The following PCYOX1L variants were observed in gnomAD, a reference collection of about 807,000 sequenced individuals.
The protein encoded by PCYOX1L is prenylcysteine oxidase 1-like.
In PCYOX1L, 40 loss-of-function variants were observed where a neutral mutation model predicts 44.1. The observed-to-expected ratio is 0.91, with a 90% CI of 0.70 to 1.18. The LOEUF (loss-of-function observed/expected upper bound fraction) is 1.18. PCYOX1L is among the 50% of genes most tolerant of loss of function. The pLI is 0.00. For missense variants in PCYOX1L, 605 were observed against 653.3 expected, an observed-to-expected ratio of 0.93 and a Z score of 0.81; for synonymous variants, 266 against 282.8, an observed-to-expected ratio of 0.94 and a Z score of 0.60.
intron 2 of PCYOX1L, 193 bp downstream of exon 2, chr5:149,363,036 G>T (rs1271490407): frequency 1.4e-6 from 1 of 733,220 alleles, no homozygotes; most frequent in Admixed American, 2.0e-5. Flanking sequence ...TTGCAGAGCC[G>T]GGATTAGAAC....
chr5:149,363,211 C>T lies in PCYOX1L; in HGVS notation c.295+368C>T, dbSNP rs114545148. The T allele has an allele frequency of 5.3e-3, 2,043 of 385,974 alleles. 33 individuals carry two copies. Among genetic ancestry groups the T allele is most frequent in the African/African-American group, 0.04 (1,902 of 47,904 alleles). The allele number at this position is 385,974 out of a possible 1,614,324, so 23.9% of individuals were successfully genotyped here. A position where few individuals can be genotyped will look rare whatever the true frequency, so the allele number is the denominator to read the frequency against. On this transcript the variant is annotated intron_variant, in intron 2 of 5. Transcript: ENST00000274569. ...CCAACCTGCAAGATGAGTGTTATAT[C>T]TCCTCTTAAGGCAACTGAGGCTCAG...
intron 2 of PCYOX1L, 30 bp from the exon 3 acceptor site, chr5:149,364,006 G>A (rs1240477690): frequency 1.2e-6 from 2 of 1,611,166 alleles, no homozygotes; most frequent in Non-Finnish European, 8.5e-7. Flanking sequence ...TCTTGGAGGG[G>A]ACCTGAGGGG....
intron 4 of PCYOX1L, 85 bp downstream of exon 4, chr5:149,366,238 C>T (rs567198995): frequency 7.3e-7 from 1 of 1,370,750 alleles, no homozygotes; most frequent in Admixed American, 1.9e-5. Context: ...ATAATAACCT[C>T]ACTTTTATCC....
intron 1 of PCYOX1L, 28 bp from the exon 2 acceptor site, chr5:149,362,609 C>G (rs1370685771): frequency 6.2e-7 from 1 of 1,612,456 alleles, no homozygotes; most frequent in Non-Finnish European, 8.5e-7. Context: ...TGTCTCTCTT[C>G]TTCCCTACCT....
chr5:149,361,565 A>T (rs1758010055), intron 1 of PCYOX1L, among the ~76,000 whole-genome samples: 2 of 152,248 alleles, frequency 1.3e-5, no homozygotes, highest in African/African-American at 4.8e-5. Flanking sequence ...GAAACTTTGT[A>T]ACAAGATTTC....
At chr5:149,365,192 G>A (rs1482832674) in intron 3 of PCYOX1L, 1 of 152,166 alleles carries the variant, frequency 6.6e-6, no homozygotes, top group Non-Finnish European at 1.5e-5. Flanking sequence ...ATTATATCCA[G>A]ACCAATAATG....
At chr5:149,367,557 C>CT (rs1281986825) in intron 5 of PCYOX1L, 57 bp downstream of exon 5, 1 of 1,595,000 alleles carries the variant, frequency 6.3e-7, no homozygotes, top group African/African-American at 1.3e-5. Context: ...TGGACAGACA[C>CT]TTCTGCCTCC....
At position 149,367,383 on chromosome 5, in the gene PCYOX1L, CA is replaced by C. The variant is rs1758248483; in HGVS notation, c.708del (p.Gly237AlafsTer18). The C allele has an allele frequency of 6.2e-7, 1 of 1,611,784 alleles. No homozygotes were observed. The highest frequency in any genetic ancestry group is 1.7e-5 in the Admixed American group (1 of 59,200). On this transcript the variant is annotated frameshift_variant, in exon 5 of 6. Coordinates refer to ENST00000274569, the MANE Select transcript of PCYOX1L (RefSeq NM_024028.4). LOFTEE classifies it high-confidence loss of function. ...FAGAMSLAGA[Q>X]GSLWSVEGGN... ...AGGAGCCATGTCACTAGCCGGGGCC[CA>C]AGGCAGCCTGTGGTCTGTGGAAGGA...
intron 1 of PCYOX1L, among the ~76,000 whole-genome samples, chr5:149,358,812 T>A (rs1380758630): frequency 6.6e-6 from 1 of 152,234 alleles, no homozygotes; most frequent in East Asian, 1.9e-4. Context: ...TCCCCAATAC[T>A]TTATTTTGAA....
In PCYOX1L at chr5:149,368,769, G is replaced by A. The variant is rs945900633; in HGVS notation, c.*115G>A. On this transcript the variant is annotated 3_prime_UTR_variant, in exon 6 of 6. Transcript: ENST00000274569. ...ACCAGGCTTCTTTCTGACCCCTCATGTATCAAGCATCTCCAGGTGACCTAC... is the reference window on the plus strand; with the variant it reads ...ACCAGGCTTCTTTCTGACCCCTCATATATCAAGCATCTCCAGGTGACCTAC... The A allele has an allele frequency of 3.7e-6, 4 of 1,084,680 alleles. No homozygotes were observed. The highest frequency in any genetic ancestry group is 3.7e-6 in the Non-Finnish European group (3 of 803,204). 67.2% of individuals were successfully genotyped at this position (1,084,680 alleles called of 1,614,324 possible).
At chr5:149,365,667 A>C (rs753559805) in intron 3 of PCYOX1L, 77 of 501,298 alleles carry the variant, frequency 1.5e-4, no homozygotes, top group Non-Finnish European at 2.6e-4. Context: ...TCAGGCAGGG[A>C]GTGGCTCAGA....
Position 149,368,794 on chromosome 5 carries a change from CT to C in PCYOX1L, c.*141del. The C allele has an allele frequency of 1.2e-6, 1 of 804,860 alleles. No homozygotes were observed. Among genetic ancestry groups the C allele is most frequent in the Non-Finnish European group, 1.8e-6 (1 of 569,168 alleles). The allele number at this position is 804,860 out of a possible 1,614,324, so 49.9% of individuals were successfully genotyped here. A position where few individuals can be genotyped will look rare whatever the true frequency, so the allele number is the denominator to read the frequency against. Reference sequence around the variant, plus strand: ...GTATCAAGCATCTCCAGGTGACCTACTGTCTGCCTATATTAAGGGTCCACAC... The same window carrying C: ...GTATCAAGCATCTCCAGGTGACCTACGTCTGCCTATATTAAGGGTCCACAC... On this transcript the variant is annotated 3_prime_UTR_variant, in exon 6 of 6. Coordinates refer to ENST00000274569, the MANE Select transcript of PCYOX1L (RefSeq NM_024028.4).
chr5:149,367,909 T>A, intron 5 of PCYOX1L, 84 bp from the exon 6 acceptor site: 1 of 1,416,046 alleles, frequency 7.1e-7, no homozygotes, highest in Non-Finnish European at 9.5e-7. Context: ...CAGGGTCTCG[T>A]TGTACCTCAA....
rs1758296053 is a variant in PCYOX1L at position 149,368,271 on chromosome 5, T to C, written c.1102T>C (p.Phe368Leu). 1 of 1,614,200 alleles carries C rather than the reference T, an allele frequency of 6.2e-7. No individual in the cohort carries two copies. Among genetic ancestry groups the C allele is most frequent in the Non-Finnish European group, 8.5e-7 (1 of 1,180,032 alleles). ...CCTTACCACAGATTTCCCCAGCTTC[T>C]TCTGCACTCTGGACAACATCTGCCC... is the stretch of plus-strand genomic sequence containing the variant. ...NILTTDFPSF[F>L]CTLDNICPVN... Residue 368 changes from phenylalanine (F) to leucine (L), a missense_variant, in exon 6 of 6, where the codon TTC (phenylalanine) becomes CTC (leucine). Physicochemically the swap from Phe to Leu is conservative, Grantham distance 22. Transcript: ENST00000274569.
Position 149,368,436 on chromosome 5 carries a change from C to T in PCYOX1L, c.1267C>T (p.Gln423Ter). The change falls in exon 6 of 6, where the codon CAG (glutamine) becomes TAG (stop). Residue 423 changes from glutamine to a stop codon, truncating the protein, a stop_gained. Coordinates refer to ENST00000274569, the MANE Select transcript of PCYOX1L (RefSeq NM_024028.4). LOFTEE classifies it high-confidence loss of function. ...SYYSVQTAEW[Q>*]AHPLYGSRPT... is the part of the protein sequence containing the mutation. Reference sequence around the variant, plus strand: ...TTACTCAGTGCAGACAGCTGAGTGGCAGGCCCATCCCCTCTATGGCTCCCG... The same window carrying T: ...TTACTCAGTGCAGACAGCTGAGTGGTAGGCCCATCCCCTCTATGGCTCCCG... The T allele has an allele frequency of 6.2e-7, 1 of 1,614,136 alleles. No homozygotes were observed.
chr5:149,360,109 T>G (rs761368072), intron 1 of PCYOX1L, among the ~76,000 whole-genome samples: 12 of 152,252 alleles, frequency 7.9e-5, no homozygotes, highest in Admixed American at 5.9e-4. Flanking sequence ...CTGCTTCCCC[T>G]TCAGGACTCC....
At position 149,368,296 on chromosome 5, in the gene PCYOX1L, C is replaced by A; in HGVS notation, c.1127C>A (p.Pro376His). 1.2e-6 allele frequency: 2 copies of A among 1,614,240 alleles called. No homozygotes were observed. Among genetic ancestry groups the A allele is most frequent in the Non-Finnish European group, 1.7e-6 (2 of 1,180,044 alleles). The change falls in exon 6 of 6, where the codon CCT becomes CAT. Residue 376 changes from proline (P) to histidine (H), a missense_variant. Transcript: ENST00000274569. ...SFFCTLDNIC[P>H]VNISASFRRK... ...TTCTGCACTCTGGACAACATCTGCC[C>A]TGTCAACATCTCTGCCAGCTTCCGG...
chr5:149,360,353 A>G (rs892514170), intron 1 of PCYOX1L, among the ~76,000 whole-genome samples: 4 of 152,280 alleles, frequency 2.6e-5, no homozygotes, highest in East Asian at 1.9e-4. Context: ...CTTAATATCA[A>G]TTTCTCTGGA....
At chr5:149,360,785 A>G (rs1757986359) in intron 1 of PCYOX1L, among the ~76,000 whole-genome samples, 1 of 152,196 alleles carries the variant, frequency 6.6e-6, no homozygotes. Context: ...CCACAATAAG[A>G]GAAGCCTAGA....
Sources: gnomAD v4.1 joint callset for allele counts (sites outside exome capture counted in the v4.1 genomes callset) on GRCh38, gnomAD v4.1.1 for gene constraint, MANE v1.5 for transcripts, NCBI Gene and HGNC (gene_info 2026-07-23, HGNC 2026-07-21) for gene names.